MUC20: variants seen among roughly 807,000 people sequenced by gnomAD.
MUC20 encodes the protein mucin 20, cell surface associated, also known as mucin-20.
MUC20 carries 14 observed loss-of-function variants against 23.8 expected under a neutral mutation model. The observed-to-expected ratio is 0.59, with a 90% CI of 0.39 to 0.92. The LOEUF is 0.92. MUC20 is among the 40% of genes least tolerant of loss of function. MUC20 has a pLI of 0.00. For missense variants in MUC20, 375 were observed against 668.8 expected, an observed-to-expected ratio of 0.56 and a Z score of 4.85; for synonymous variants, 166 against 279.3, an observed-to-expected ratio of 0.59 and a Z score of 4.04.
chr3:195,726,473 A>G lies in MUC20; in HGVS notation c.1870A>G (p.Thr624Ala). 5 of 1,614,018 alleles carry G rather than the reference A, an allele frequency of 3.1e-6. No homozygotes were observed. Among genetic ancestry groups the G allele is most frequent in the Non-Finnish European group, 4.2e-6 (5 of 1,179,894 alleles). ...TTNSSRGTNS[T>A]LAKITTSAKT... ...CAACAGCAGCCGAGGGACGAACAGC[A>G]CCTTAGCCAAGATCACAACCTCAGC... The change falls in exon 2 of 4, where the codon ACC becomes GCC. Residue 624 changes from threonine (T) to alanine (A), a missense_variant. Transcript: ENST00000447234.
chr3:195,732,509 A>G (rs1713502541), intron 3 of MUC20, among the ~76,000 whole-genome samples: 1 of 152,194 alleles, frequency 6.6e-6, no homozygotes, highest in Non-Finnish European at 1.5e-5. Flanking sequence ...ACAGGTGCAC[A>G]CTACCACTCC....
chr3:195,729,990 T>C, intron 3 of MUC20: 1 of 532,098 alleles, frequency 1.9e-6, no homozygotes, highest in Non-Finnish European at 3.3e-6. Context: ...CTTCTGGTCC[T>C]TGGAAGCTTG....
Position 195,725,811 on chromosome 3 carries a change from G to A in MUC20, c.1208G>A (p.Gly403Glu), listed in dbSNP as rs1347088605. Residue 403 changes from glycine (G) to glutamate (E), a missense_variant, in exon 2 of 4, where the codon GGA (glycine) becomes GAA (glutamate). Gly to Glu is a moderately conservative substitution (Grantham distance 98, BLOSUM62 -2). Coordinates refer to ENST00000447234, the MANE Select transcript of MUC20 (RefSeq NM_001282506.2). Reference protein sequence around the residue: ...HPVITPSWSPGSDVTLLAEAL... With the variant: ...HPVITPSWSPESDVTLLAEAL... ...GTCATCACCCCCTCATGGTCCCCGG[G>A]ATCTGACGTCACTCTCCTCGCTGAA... 6.3e-7 allele frequency: 1 copy of A among 1,575,992 alleles called. No individual in the cohort carries two copies. Among genetic ancestry groups the A allele is most frequent in the Non-Finnish European group, 8.7e-7 (1 of 1,153,438 alleles).
chr3:195,728,098 G>T (rs1446774103), intron 2 of MUC20, among the ~76,000 whole-genome samples: 3 of 150,588 alleles, frequency 2.0e-5, no homozygotes, highest in African/African-American at 7.5e-5. Flanking sequence ...GCTCTGGAAA[G>T]TGAAGGGGTG....
At chr3:195,733,096 G>A in intron 3 of MUC20, 54 bp from the exon 4 acceptor site, 1 of 1,543,378 alleles carries the variant, frequency 6.5e-7, no homozygotes, top group Non-Finnish European at 8.8e-7. Context: ...TCTGCCTCTG[G>A]CGAGCTCATG....
intron 3 of MUC20, 70 bp downstream of exon 3, chr3:195,729,809 C>A (rs1428178465): frequency 1.4e-5 from 20 of 1,414,716 alleles, no homozygotes; most frequent in South Asian, 9.8e-5. Context: ...CAGGGAAGAC[C>A]CGCAGGACAC....
At chr3:195,731,975 C>CTTTTGTTTTG (rs57899187) in intron 3 of MUC20, among the ~76,000 whole-genome samples, 5,850 of 150,926 alleles carry the variant, frequency 0.039, no homozygotes, top group African/African-American at 0.076. Flanking sequence ...AAGCCAATTG[C>CTTTTGTTTTG]TTTTGTTTTG....
rs774796725 is a variant in MUC20 at position 195,726,319 on chromosome 3, C to T, written c.1716C>T (p.Ser572=). 8.1e-6 allele frequency: 13 copies of T among 1,614,056 alleles called. No homozygotes were observed. The East Asian group carries it at 2.2e-4, about 28-fold the overall frequency. The change falls in exon 2 of 4, where the codon TCC becomes TCT. Residue 572 remains serine (S), a synonymous_variant. Coordinates refer to ENST00000447234, the MANE Select transcript of MUC20 (RefSeq NM_001282506.2). ...CTTCCTTTGCTGGGAGCTCTGCTTCCTCCTACAGCCCCTCGGAAGCCGCCC... is the reference window on the plus strand; with the variant it reads ...CTTCCTTTGCTGGGAGCTCTGCTTCTTCCTACAGCCCCTCGGAAGCCGCCC... ...KTTSFAGSSA[S]SYSPSEAALK...
intron 1 of MUC20, among the ~76,000 whole-genome samples, chr3:195,723,152 G>C (rs1404747972): frequency 5.3e-5 from 8 of 151,652 alleles, no homozygotes; most frequent in African/African-American, 1.9e-4. Flanking sequence ...TGAACCAGCA[G>C]ATCATCTGAC....
chr3:195,726,684 G>C, intron 2 of MUC20, 112 bp downstream of exon 2: 1 of 1,281,504 alleles, frequency 7.8e-7, no homozygotes, highest in Non-Finnish European at 1.1e-6. Flanking sequence ...CTCAGAGCCT[G>C]CTCCTGATGT....
chr3:195,728,678 T>C (rs1577856611), intron 2 of MUC20, among the ~76,000 whole-genome samples: 1 of 152,198 alleles, frequency 6.6e-6, no homozygotes, highest in Admixed American at 6.5e-5. Flanking sequence ...ACAGACCCTT[T>C]ACGGGTGTCA....
intron 2 of MUC20, among the ~76,000 whole-genome samples, chr3:195,728,203 A>G (rs1424872327): frequency 6.6e-6 from 1 of 152,286 alleles, no homozygotes; most frequent in East Asian, 1.9e-4. Flanking sequence ...GAGAAACAAC[A>G]GTGGGCCCAG....
intron 1 of MUC20, chr3:195,721,880 A>G: frequency 6.5e-6 from 1 of 153,374 alleles, no homozygotes; most frequent in Non-Finnish European, 1.4e-5. Flanking sequence ...ATACAAAATT[A>G]GCCGGGGGTG....
chr3:195,722,816 A>T (rs1419276935), intron 1 of MUC20: 1 of 987,854 alleles, frequency 1.0e-6, no homozygotes, highest in African/African-American at 1.7e-5. Context: ...AGTTCCTGCA[A>T]AAGTGAGATT....
rs564603409 is a variant in MUC20, at chr3:195,726,721, C to G, written c.1969+149C>G. ...GCCTCTTCGTGATCTTCTAGTGGTTCTTGGCGAAATCAGGAAAAGGCAGAT... is the reference window on the plus strand; with the variant it reads ...GCCTCTTCGTGATCTTCTAGTGGTTGTTGGCGAAATCAGGAAAAGGCAGAT... On this transcript the variant is annotated intron_variant, in intron 2 of 3. Coordinates refer to ENST00000447234, the MANE Select transcript of MUC20 (RefSeq NM_001282506.2). The G allele has an allele frequency of 7.1e-5, 72 of 1,011,202 alleles. No homozygotes were observed. The African/African-American group carries it at 1.0e-3, about 14-fold the overall frequency. The allele number at this position is 1,011,202 out of a possible 1,614,324, so 62.6% of individuals were successfully genotyped here. A position where few individuals can be genotyped will look rare whatever the true frequency, so the allele number is the denominator to read the frequency against.
intron 3 of MUC20, among the ~76,000 whole-genome samples, chr3:195,731,138 C>T (rs1225874360): frequency 6.6e-6 from 1 of 152,234 alleles, no homozygotes; most frequent in Non-Finnish European, 1.5e-5. Flanking sequence ...TTGCTAATAC[C>T]TGAAGCTTGC....
chr3:195,727,759 A>G (rs576323793), intron 2 of MUC20, among the ~76,000 whole-genome samples: 119 of 152,332 alleles, frequency 7.8e-4, no homozygotes, highest in African/African-American at 2.7e-3. Context: ...CCAGCTTTGC[A>G]TATGTTATCT....
intron 2 of MUC20, 132 bp from the exon 3 acceptor site, chr3:195,729,516 A>G: frequency 1.2e-6 from 1 of 815,800 alleles, no homozygotes; most frequent in Non-Finnish European, 1.9e-6. Context: ...GGATTTCTCC[A>G]TGTTGGTCAG....
chr3:195,729,955 A>T (rs1863), intron 3 of MUC20: 97,534 of 573,048 alleles, frequency 0.17, 832 homozygotes, highest in East Asian at 0.41. Flanking sequence ...CAATGTAAAC[A>T]TGTGACTCCT....
Sources: gnomAD v4.1 joint callset for allele counts (sites outside exome capture counted in the v4.1 genomes callset) on GRCh38, gnomAD v4.1.1 for gene constraint, MANE v1.5 for transcripts, NCBI Gene and HGNC (gene_info 2026-07-23, HGNC 2026-07-21) for gene names.